The following CNTNAP5 variants were observed in gnomAD, a reference collection of about 807,000 sequenced individuals.
CNTNAP5 encodes the protein contactin associated protein family member 5.
In CNTNAP5, 72 loss-of-function variants were observed where a neutral mutation model predicts 150.2. That is an observed-to-expected ratio of 0.48 (90% CI 0.40 to 0.58). The LOEUF is 0.58. Among genes scored for constraint, CNTNAP5 ranks in the 20% least tolerant of loss-of-function variants. The pLI is 0.00. For synonymous variants in CNTNAP5, 672 were observed against 619.8 expected, an observed-to-expected ratio of 1.08 and a Z score of -1.25; for missense variants, 1,636 against 1,626.2, an observed-to-expected ratio of 1.01 and a Z score of -0.10.
At chr2:124,639,716 C>A (rs2105018298) in intron 12 of CNTNAP5, among the ~76,000 whole-genome samples, 1 of 152,138 alleles carries the variant, frequency 6.6e-6, no homozygotes, top group African/African-American at 2.4e-5. Context: ...TATGTGGGTC[C>A]CCAGTCTTAT....
At chr2:124,739,869 T>G (rs1161248365) in intron 13 of CNTNAP5, among the ~76,000 whole-genome samples, 3 of 152,048 alleles carry the variant, frequency 2.0e-5, no homozygotes, top group African/African-American at 7.2e-5. Context: ...TTAACTGCTC[T>G]CTTTGGCACT....
At chr2:124,552,182 T>C (rs550842030) in intron 10 of CNTNAP5, among the ~76,000 whole-genome samples, 21 of 152,112 alleles carry the variant, frequency 1.4e-4, no homozygotes, top group Non-Finnish European at 2.8e-4. Context: ...GCCCTCCCCA[T>C]TTAATTTGAT....
intron 3 of CNTNAP5, among the ~76,000 whole-genome samples, chr2:124,308,968 C>T (rs1688756433): frequency 6.6e-6 from 1 of 152,088 alleles, no homozygotes; most frequent in South Asian, 2.1e-4. Context: ...AGTCCAGTGC[C>T]CCAACTTATC....
At chr2:124,699,112 T>C (rs142812743) in intron 13 of CNTNAP5, among the ~76,000 whole-genome samples, 157 of 152,248 alleles carry the variant, frequency 1.0e-3, no homozygotes, top group African/African-American at 3.7e-3. Context: ...CAATACTGTA[T>C]AGTGAGAGAG....
chr2:124,060,900 C>G (rs530986924), intron 1 of CNTNAP5, among the ~76,000 whole-genome samples: 24 of 152,194 alleles, frequency 1.6e-4, no homozygotes, highest in Non-Finnish European at 3.4e-4. Context: ...AATTTTATGA[C>G]AGAAAAAACA....
At position 124,472,818 on chromosome 2, in the gene CNTNAP5, C is replaced by A. The variant is rs562448789; in HGVS notation, c.919-1921C>A. Among the ~76,000 whole-genome samples the A allele has an allele frequency of 3.7e-4, 56 of 151,754 alleles. 2 individuals carry two copies. Among genetic ancestry groups the A allele is most frequent in the African/African-American group, 1.3e-3 (54 of 41,444 alleles). On this transcript the variant is annotated intron_variant, in intron 6 of 23. Coordinates refer to ENST00000682447, the MANE Select transcript of CNTNAP5 (RefSeq NM_001367498.1). The stretch of plus-strand genomic sequence containing the variant: ...TATTGCAAAAAAAATAAAGCTAACA[C>A]AGAGACACAAAGTGAGCACCCACTG...
At chr2:124,558,726 C>A (rs902693221) in intron 10 of CNTNAP5, among the ~76,000 whole-genome samples, 1 of 152,196 alleles carries the variant, frequency 6.6e-6, no homozygotes, top group African/African-American at 2.4e-5. Context: ...TCCACTCCAG[C>A]TGGAAACTTC....
chr2:124,322,871 A>T (rs1216923000), intron 3 of CNTNAP5, among the ~76,000 whole-genome samples: 1 of 152,170 alleles, frequency 6.6e-6, no homozygotes, highest in Non-Finnish European at 1.5e-5. Context: ...AAAGAATTCA[A>T]AATTATCTTT....
At chr2:124,331,729 T>A (rs1173227750) in intron 3 of CNTNAP5, among the ~76,000 whole-genome samples, 2 of 151,914 alleles carry the variant, frequency 1.3e-5, no homozygotes, top group Non-Finnish European at 2.9e-5. Flanking sequence ...TTAAAAAAAA[T>A]TATTTACTCT....
chr2:124,757,055 G>A (rs1278012895), intron 14 of CNTNAP5, among the ~76,000 whole-genome samples: 1 of 152,112 alleles, frequency 6.6e-6, no homozygotes, highest in East Asian at 1.9e-4. Flanking sequence ...ACCAAACTTC[G>A]AGTGGAGTAA....
At chr2:124,742,294 A>C (rs1680511952) in intron 13 of CNTNAP5, among the ~76,000 whole-genome samples, 1 of 152,190 alleles carries the variant, frequency 6.6e-6, no homozygotes. Flanking sequence ...GGAAGAATTT[A>C]GGTCCATTAA....
At chr2:124,391,090 C>T (rs4848931) in intron 3 of CNTNAP5, among the ~76,000 whole-genome samples, 80,939 of 152,004 alleles carry the variant, frequency 0.53, 22,944 homozygotes, top group South Asian at 0.67. Flanking sequence ...TTGGACAAGT[C>T]GTTTGAACTC....
chr2:124,427,438 T>G (rs2104787900), intron 4 of CNTNAP5, among the ~76,000 whole-genome samples: 1 of 152,180 alleles, frequency 6.6e-6, no homozygotes, highest in Non-Finnish European at 1.5e-5. Context: ...CATATTATTT[T>G]ATTTTGTTTT....
chr2:124,805,124 C>T (rs537096825), intron 19 of CNTNAP5, among the ~76,000 whole-genome samples: 91 of 152,230 alleles, frequency 6.0e-4, no homozygotes, highest in Middle Eastern at 3.4e-3. Context: ...CTGGAAGGGA[C>T]ATTACCCTGA....
chr2:124,865,657 AT>A (rs534608342), intron 20 of CNTNAP5, among the ~76,000 whole-genome samples: 34 of 152,294 alleles, frequency 2.2e-4, no homozygotes, highest in Non-Finnish European at 4.0e-4. Context: ...AGAAATGCAG[AT>A]TCTTGGGCCA....
chr2:124,478,041 G>T (rs1040391950), intron 7 of CNTNAP5, among the ~76,000 whole-genome samples: 2 of 151,332 alleles, frequency 1.3e-5, no homozygotes. Flanking sequence ...TATTAAAAAA[G>T]AATATCTTTA....
At chr2:124,494,278 C>T (rs568657656) in intron 7 of CNTNAP5, among the ~76,000 whole-genome samples, 387 of 152,102 alleles carry the variant, frequency 2.5e-3, no homozygotes, top group South Asian at 0.018. Flanking sequence ...AGGCCAAAGG[C>T]CTGAGAACCC....
At position 124,337,383 on chromosome 2, in the gene CNTNAP5, T is replaced by G. The variant is rs549646904; in HGVS notation, c.382-80060T>G. On this transcript the variant is annotated intron_variant, in intron 3 of 23. Coordinates refer to ENST00000682447, the MANE Select transcript of CNTNAP5 (RefSeq NM_001367498.1). ...GCAGAAGCTCTTTAGTTTAATTAGA[T>G]CCCATTTGTCAATTTTGGCTTTTGT... Among the ~76,000 whole-genome samples the G allele has an allele frequency of 1.7e-4, 26 of 152,326 alleles. No homozygotes were observed. The East Asian group carries it at 4.8e-3, about 28-fold the overall frequency.
chr2:124,459,541 G>T (rs1419324353), intron 6 of CNTNAP5, among the ~76,000 whole-genome samples: 1 of 152,062 alleles, frequency 6.6e-6, no homozygotes, highest in Non-Finnish European at 1.5e-5. Flanking sequence ...CTGAGGTCAG[G>T]AGTTCGAGAC....
Sources: gnomAD v4.1 joint callset for allele counts (sites outside exome capture counted in the v4.1 genomes callset) on GRCh38, gnomAD v4.1.1 for gene constraint, MANE v1.5 for transcripts, NCBI Gene and HGNC (gene_info 2026-07-23, HGNC 2026-07-21) for gene names.